CSMD1: variants seen among roughly 807,000 people sequenced by gnomAD.
The protein encoded by CSMD1 is CUB and Sushi multiple domains 1.
CSMD1 carries 213 observed loss-of-function variants against 417.5 expected under a neutral mutation model. The observed-to-expected ratio is 0.51, with a 90% CI of 0.46 to 0.57. The LOEUF (loss-of-function observed/expected upper bound fraction) is 0.57, where lower values mean the gene tolerates loss of function less well. Ranked by LOEUF, CSMD1 falls within the 20% of genes least tolerant of loss-of-function variation. CSMD1 has a pLI of 0.00. For synonymous variants in CSMD1, 2,862 were observed against 1,736.8 expected (o/e 1.65, Z -16.11); for missense variants, 6,923 against 4,529.7 (o/e 1.53, Z -15.17).
At chr8:3,557,566 A>C (rs1240579741) in intron 10 of CSMD1, among the ~76,000 whole-genome samples, 4 of 152,056 alleles carry the variant, frequency 2.6e-5, no homozygotes, top group African/African-American at 7.3e-5. Flanking sequence ...TTTAGAGGTG[A>C]GCAAGTCCTG....
At chr8:4,723,433 T>C (rs1303276892) in intron 1 of CSMD1, among the ~76,000 whole-genome samples, 4 of 152,130 alleles carry the variant, frequency 2.6e-5, no homozygotes, top group Non-Finnish European at 5.9e-5. Flanking sequence ...GAGTACATAA[T>C]AATGTGAAAT....
chr8:4,293,999 A>C (rs1797526541), intron 3 of CSMD1, among the ~76,000 whole-genome samples: 1 of 152,202 alleles, frequency 6.6e-6, no homozygotes, highest in Non-Finnish European at 1.5e-5. Context: ...TAGTGTGTAT[A>C]AAAAGTTTTA....
chr8:3,985,763 T>A (rs1814276259), intron 5 of CSMD1, among the ~76,000 whole-genome samples: 2 of 151,734 alleles, frequency 1.3e-5, no homozygotes, highest in African/African-American at 2.4e-5. Context: ...GTGATTTTTT[T>A]TTTTTTTTTT....
chr8:4,439,204 A>C (rs919679263), intron 2 of CSMD1, among the ~76,000 whole-genome samples: 12 of 152,246 alleles, frequency 7.9e-5, no homozygotes, highest in African/African-American at 2.6e-4. Flanking sequence ...ACACATTGCA[A>C]ATTTCATTTA....
chr8:3,232,553 T>G (rs1016685311), intron 26 of CSMD1, among the ~76,000 whole-genome samples: 2 of 152,218 alleles, frequency 1.3e-5, no homozygotes, highest in African/African-American at 4.8e-5. Flanking sequence ...AAAACTCTTG[T>G]ACATGCTGCT....
chr8:3,402,252 C>G (rs1193882756), intron 15 of CSMD1, among the ~76,000 whole-genome samples: 2 of 152,090 alleles, frequency 1.3e-5, no homozygotes, highest in Non-Finnish European at 2.9e-5. Flanking sequence ...AATGTTCAAT[C>G]CTTAATCTTT....
At chr8:4,283,857 G>A (rs1796918847) in intron 3 of CSMD1, among the ~76,000 whole-genome samples, 1 of 152,134 alleles carries the variant, frequency 6.6e-6, no homozygotes, top group Admixed American at 6.5e-5. Context: ...ACAGTTTCAT[G>A]TGCTGACCTC....
At chr8:4,883,619 T>G (rs1329951038) in intron 1 of CSMD1, among the ~76,000 whole-genome samples, 1 of 152,132 alleles carries the variant, frequency 6.6e-6, no homozygotes, top group Non-Finnish European at 1.5e-5. Context: ...TAGTATAATC[T>G]GTCAAGGTTA....
chr8:4,829,960 T>A (rs1800055626), intron 1 of CSMD1, among the ~76,000 whole-genome samples: 2 of 152,038 alleles, frequency 1.3e-5, no homozygotes, highest in African/African-American at 4.8e-5. Context: ...CACACAAAAA[T>A]TTTGCTTACA....
chr8:3,275,866 T>C (rs562603420), intron 26 of CSMD1, among the ~76,000 whole-genome samples: 94 of 152,274 alleles, frequency 6.2e-4, no homozygotes, highest in African/African-American at 2.2e-3. Context: ...TCTTTGCCTT[T>C]GGTTTGAATG....
intron 1 of CSMD1, among the ~76,000 whole-genome samples, chr8:4,817,001 G>A (rs995802301): frequency 3.3e-5 from 5 of 152,184 alleles, no homozygotes; most frequent in South Asian, 4.1e-4. Context: ...ACAGATAAGA[G>A]CAGAGGGCTC....
At chr8:3,149,192 T>A (rs1321512880) in intron 40 of CSMD1, among the ~76,000 whole-genome samples, 1 of 152,184 alleles carries the variant, frequency 6.6e-6, no homozygotes, top group African/African-American at 2.4e-5. Flanking sequence ...CGCACAATAG[T>A]TTATAAATAA....
chr8:4,906,840 G>C (rs1416978281), intron 1 of CSMD1, among the ~76,000 whole-genome samples: 3 of 152,212 alleles, frequency 2.0e-5, no homozygotes, highest in African/African-American at 4.8e-5. Context: ...TTACAGGCGT[G>C]AGCCGCTGCC....
At chr8:4,154,614 A>G (rs1405920474) in intron 3 of CSMD1, among the ~76,000 whole-genome samples, 1 of 152,208 alleles carries the variant, frequency 6.6e-6, no homozygotes, top group African/African-American at 2.4e-5. Context: ...ATGAGCCTAC[A>G]AAAGGCCTAA....
intron 1 of CSMD1, among the ~76,000 whole-genome samples, chr8:4,777,868 G>A (rs1796946579): frequency 6.6e-6 from 1 of 152,172 alleles, no homozygotes; most frequent in South Asian, 2.1e-4. Context: ...CTTGACTTCT[G>A]ACACACTGAA....
intron 3 of CSMD1, among the ~76,000 whole-genome samples, chr8:4,264,907 G>C (rs918337544): frequency 6.6e-6 from 1 of 152,112 alleles, no homozygotes; most frequent in African/African-American, 2.4e-5. Flanking sequence ...GTAGGAATTG[G>C]GTTTAAGTCC....
At chr8:4,300,858 A>G (rs920493124) in intron 3 of CSMD1, among the ~76,000 whole-genome samples, 3 of 152,232 alleles carry the variant, frequency 2.0e-5, no homozygotes, top group Non-Finnish European at 2.9e-5. Flanking sequence ...TACAAAGGAC[A>G]TGAACTCATC....
At chr8:3,383,286 C>A (rs1310294513) in intron 18 of CSMD1, among the ~76,000 whole-genome samples, 2 of 152,194 alleles carry the variant, frequency 1.3e-5, no homozygotes, top group African/African-American at 4.8e-5. Context: ...AGTCACACCT[C>A]AATAAAGCTG....
chr8:4,447,821 C>T (rs149071638), intron 2 of CSMD1, among the ~76,000 whole-genome samples: 61 of 152,214 alleles, frequency 4.0e-4, no homozygotes, highest in African/African-American at 1.3e-3. Flanking sequence ...GAAGTCACAA[C>T]GTTTCAAAGA....
Sources: gnomAD v4.1 joint callset for allele counts (sites outside exome capture counted in the v4.1 genomes callset) on GRCh38, gnomAD v4.1.1 for gene constraint, MANE v1.5 for transcripts, NCBI Gene and HGNC (gene_info 2026-07-23, HGNC 2026-07-21) for gene names.